CDYL: variants seen among roughly 807,000 people sequenced by gnomAD.
CDYL encodes the protein chromodomain Y-like protein.
A neutral mutation model predicts 47.3 loss-of-function variants in CDYL; 8 were observed. That is an observed-to-expected ratio of 0.17 (90% CI 0.10 to 0.31). The LOEUF is 0.31. Among genes scored for constraint, CDYL ranks in the 10% least tolerant of loss-of-function variants. The pLI is 1.00. For synonymous variants in CDYL, 266 were observed against 265.0 expected, an observed-to-expected ratio of 1.00 and a Z score of -0.04; for missense variants, 471 against 701.4, an observed-to-expected ratio of 0.67 and a Z score of 3.71.
chr6:4,710,685 T>C (rs1450230648), intron 1 of CDYL, among the ~76,000 whole-genome samples: 5 of 152,096 alleles, frequency 3.3e-5, no homozygotes, highest in Non-Finnish European at 7.3e-5. Context: ...ACAGGCACGC[T>C]GTGCTCCCGT....
chr6:4,915,761 A>G (rs1197964934), intron 2 of CDYL, among the ~76,000 whole-genome samples: 1 of 152,206 alleles, frequency 6.6e-6, no homozygotes, highest in Admixed American at 6.5e-5. Flanking sequence ...CATTCTGTAG[A>G]GAATCTCCTT....
At chr6:4,889,486 G>A (rs1761982867) in intron 1 of CDYL, among the ~76,000 whole-genome samples, 3 of 152,096 alleles carry the variant, frequency 2.0e-5, no homozygotes, top group South Asian at 2.1e-4. Context: ...GCCTCCCAAA[G>A]TGCTGGAATT....
At chr6:4,897,350 T>A (rs1047590153) in intron 2 of CDYL, among the ~76,000 whole-genome samples, 1 of 152,242 alleles carries the variant, frequency 6.6e-6, no homozygotes, top group African/African-American at 2.4e-5. Flanking sequence ...GAGGAAATAT[T>A]AATACCTTAG....
At chr6:4,861,185 C>T (rs1053600393) in intron 1 of CDYL, among the ~76,000 whole-genome samples, 1 of 152,246 alleles carries the variant, frequency 6.6e-6, no homozygotes, top group Non-Finnish European at 1.5e-5. Context: ...GGAAGCCTAT[C>T]TGTGTCCTTT....
At chr6:4,758,351 A>AAAAAAAATATATATATAT (rs1554134098) in intron 3 of CDYL, among the ~76,000 whole-genome samples, 1 of 129,084 alleles carries the variant, frequency 7.7e-6, no homozygotes, top group African/African-American at 3.1e-5. Flanking sequence ...AAAATAAATA[A>AAAAAAAATATATATATAT]ATATATATAT....
At chr6:4,757,779 G>A (rs1205561656) in intron 3 of CDYL, among the ~76,000 whole-genome samples, 1 of 152,202 alleles carries the variant, frequency 6.6e-6, no homozygotes, top group Admixed American at 6.5e-5. Context: ...GTTCATGCCT[G>A]TAATCCCAGC....
intron 2 of CDYL, among the ~76,000 whole-genome samples, chr6:4,716,123 C>T (rs1191648257): frequency 6.6e-6 from 1 of 151,966 alleles, no homozygotes; most frequent in African/African-American, 2.4e-5. Flanking sequence ...GTGTGGGTGC[C>T]TGTAGTCCCA....
At chr6:4,839,258 T>C (rs1760417141) in intron 1 of CDYL, among the ~76,000 whole-genome samples, 1 of 152,244 alleles carries the variant, frequency 6.6e-6, no homozygotes, top group South Asian at 2.1e-4. Context: ...AGTCCCACTT[T>C]TTGATGTGAT....
At chr6:4,951,606 G>A (rs1169038236) in intron 5 of CDYL, among the ~76,000 whole-genome samples, 3 of 151,774 alleles carry the variant, frequency 2.0e-5, no homozygotes, top group Admixed American at 6.6e-5. Flanking sequence ...AGCAGATTAC[G>A]GTCATTTTTC....
chr6:4,787,197 G>A (rs1483437489), intron 1 of CDYL, among the ~76,000 whole-genome samples: 1 of 152,070 alleles, frequency 6.6e-6, no homozygotes, highest in Non-Finnish European at 1.5e-5. Flanking sequence ...AAAGCAAGAG[G>A]CGAGTGATTA....
chr6:4,804,669 T>G (rs2127441090), intron 1 of CDYL, among the ~76,000 whole-genome samples: 1 of 152,346 alleles, frequency 6.6e-6, no homozygotes, highest in Non-Finnish European at 1.5e-5. Context: ...TTTTTCAAAC[T>G]TGACTGTCAT....
intron 3 of CDYL, among the ~76,000 whole-genome samples, chr6:4,740,713 A>G (rs957423755): frequency 2.0e-5 from 3 of 151,740 alleles, no homozygotes; most frequent in East Asian, 1.9e-4. Flanking sequence ...TGCCAAAACC[A>G]TGGCCTCTAG....
At chr6:4,803,616 G>A (rs1378620725) in intron 1 of CDYL, among the ~76,000 whole-genome samples, 1 of 151,970 alleles carries the variant, frequency 6.6e-6, no homozygotes, top group African/African-American at 2.4e-5. Context: ...GACCTTGCCT[G>A]TCTGCGTGGG....
intron 3 of CDYL, among the ~76,000 whole-genome samples, chr6:4,744,845 C>T (rs1218362117): frequency 1.3e-5 from 2 of 150,068 alleles, no homozygotes; most frequent in Non-Finnish European, 3.0e-5. Flanking sequence ...TAGATTTGAG[C>T]TTTTTTTTTT....
chr6:4,938,429 C>A (rs904307889), intron 4 of CDYL, among the ~76,000 whole-genome samples: 1 of 152,106 alleles, frequency 6.6e-6, no homozygotes, highest in Non-Finnish European at 1.5e-5. Flanking sequence ...TTATAATTTT[C>A]AGTTTAATTT....
chr6:4,884,632 C>T lies in CDYL; in HGVS notation c.25-7081C>T, dbSNP rs1761852934. ...TAGTGTTGGTGTAAGCAGTTAGCCTCGGAGACAAGATAGTGTCTCCAGGCC... is the reference window on the plus strand; with the variant it reads ...TAGTGTTGGTGTAAGCAGTTAGCCTTGGAGACAAGATAGTGTCTCCAGGCC... On this transcript the variant is annotated intron_variant, in intron 1 of 6. Transcript: ENST00000397588. 1.3e-5 allele frequency among the ~76,000 whole-genome samples: 2 copies of T among 152,166 alleles called. 1 individual carries two copies. The highest frequency in any genetic ancestry group is 4.1e-4 in the South Asian group (2 of 4,820).
At chr6:4,879,032 C>T (rs1333702944) in intron 1 of CDYL, among the ~76,000 whole-genome samples, 2 of 152,044 alleles carry the variant, frequency 1.3e-5, no homozygotes, top group African/African-American at 4.8e-5. Context: ...GTGTCTAACT[C>T]CCCTGCAGTC....
intron 1 of CDYL, among the ~76,000 whole-genome samples, chr6:4,825,655 T>C (rs1425369230): frequency 6.6e-6 from 1 of 152,206 alleles, no homozygotes; most frequent in East Asian, 1.9e-4. Flanking sequence ...TTTTCTCATA[T>C]TAAACCACCC....
intron 3 of CDYL, among the ~76,000 whole-genome samples, chr6:4,742,674 C>G (rs891811039): frequency 6.6e-6 from 1 of 152,226 alleles, no homozygotes; most frequent in African/African-American, 2.4e-5. Flanking sequence ...CAAAGACTCC[C>G]TTTGGGGGCA....
Sources: gnomAD v4.1 joint callset for allele counts (sites outside exome capture counted in the v4.1 genomes callset) on GRCh38, gnomAD v4.1.1 for gene constraint, MANE v1.5 for transcripts, NCBI Gene and HGNC (gene_info 2026-07-23, HGNC 2026-07-21) for gene names.